PCDHA4: variants seen among roughly 807,000 people sequenced by gnomAD.
The protein encoded by PCDHA4 is protocadherin alpha-4.
Under a neutral mutation model 61.4 loss-of-function variants are expected in PCDHA4, and 49 were observed. That is an observed-to-expected ratio of 0.80 (90% CI 0.63 to 1.01). PCDHA4 has a LOEUF of 1.01. Among genes scored for constraint, PCDHA4 ranks in the 50% least tolerant of loss-of-function variants. The pLI, the probability that PCDHA4 is intolerant of heterozygous loss-of-function variation, is 0.00. For missense variants in PCDHA4, 1,254 were observed against 1,235.8 expected, an observed-to-expected ratio of 1.01 and a Z score of -0.22; for synonymous variants, 590 against 550.3, an observed-to-expected ratio of 1.07 and a Z score of -1.01.
intron 1 of PCDHA4, chr5:140,867,880 G>T (rs1562611394): frequency 6.6e-6 from 1 of 151,984 alleles, no homozygotes; most frequent in Non-Finnish European, 1.5e-5. Flanking sequence ...TATGTTTTAA[G>T]CACAATATCA....
At position 140,826,671 on chromosome 5, in the gene PCDHA4, C is replaced by T. The variant is rs1040298871; in HGVS notation, c.2385+17099C>T. On this transcript the variant is annotated intron_variant, in intron 1 of 3. Coordinates refer to ENST00000530339, the MANE Select transcript of PCDHA4 (RefSeq NM_018907.4). ...AACATTTTTGCAAGTAAATTGTAGA[C>T]GTAATTAAAAAAACCCAGCTAAAAC... 1.1e-4 allele frequency among the ~76,000 whole-genome samples: 17 copies of T among 151,838 alleles called. No individual in the cohort carries two copies. In the East Asian group the frequency reaches 2.1e-3, roughly 19 times the overall value.
intron 1 of PCDHA4, among the ~76,000 whole-genome samples, chr5:140,951,817 C>T (rs981107617): frequency 6.6e-6 from 1 of 152,146 alleles, no homozygotes; most frequent in Non-Finnish European, 1.5e-5. Flanking sequence ...CCCTCAAAGT[C>T]TGAACTCATT....
intron 1 of PCDHA4, among the ~76,000 whole-genome samples, chr5:140,954,350 GA>G (rs1255818394): frequency 6.6e-6 from 1 of 152,156 alleles, no homozygotes; most frequent in Non-Finnish European, 1.5e-5. Context: ...GATCTTTGAG[GA>G]ATCGCCACAC....
intron 1 of PCDHA4, among the ~76,000 whole-genome samples, chr5:140,845,100 T>G (rs1393397461): frequency 1.3e-5 from 2 of 149,736 alleles, no homozygotes; most frequent in Non-Finnish European, 3.0e-5. Flanking sequence ...TACAGTTCTC[T>G]TAATGCCTGT....
In PCDHA4 at chr5:140,807,332, G is replaced by T. The variant is rs782649273; in HGVS notation, c.145G>T (p.Ala49Ser). ...AKHGTFVGRI[A>S]QDLGLELAEL... Reference sequence around the variant, plus strand: ...ACACGGCACCTTCGTGGGCCGCATCGCGCAGGACCTGGGACTGGAGCTGGC... The same window carrying T: ...ACACGGCACCTTCGTGGGCCGCATCTCGCAGGACCTGGGACTGGAGCTGGC... The change falls in exon 1 of 4, where the codon GCG (alanine) becomes TCG (serine). Residue 49 changes from alanine to serine, a missense_variant. By Grantham distance (99) the Ala-to-Ser change is moderately conservative. Transcript: ENST00000530339. The T allele has an allele frequency of 1.5e-5, 24 of 1,613,480 alleles. No homozygotes were observed. In the African/African-American group the frequency reaches 2.9e-4, roughly 20 times the overall value.
At chr5:140,970,663 CAAAT>C (rs1216768545) in intron 1 of PCDHA4, among the ~76,000 whole-genome samples, 1 of 152,136 alleles carries the variant, frequency 6.6e-6, no homozygotes, top group Non-Finnish European at 1.5e-5. Flanking sequence ...GTTATCTTTC[CAAAT>C]AACTACTTTG....
At position 140,856,500 on chromosome 5, in the gene PCDHA4, T is replaced by G. The variant is rs371158035; in HGVS notation, c.2385+46928T>G. 1.4e-5 allele frequency: 22 copies of G among 1,598,280 alleles called. 1 individual carries two copies. The African/African-American group carries it at 3.0e-4, about 22-fold the overall frequency. ...GAATCCAGACTGCTTGACTCTCGAT[T>G]TCCACTAGAAGGCGCATCTGATGCG... On this transcript the variant is annotated intron_variant, in intron 1 of 3. Transcript: ENST00000530339.
Position 140,928,898 on chromosome 5 carries a change from A to T in PCDHA4, c.2386-50051A>T, listed in dbSNP as rs782530169. ...CCTCAGTTACTTCCAGACTTTGAAGATGTCTGGGAACCAGGAGGGCAGCTT... is the reference window on the plus strand; with the variant it reads ...CCTCAGTTACTTCCAGACTTTGAAGTTGTCTGGGAACCAGGAGGGCAGCTT... On this transcript the variant is annotated intron_variant, in intron 1 of 3. Coordinates refer to ENST00000530339, the MANE Select transcript of PCDHA4 (RefSeq NM_018907.4). 77 of 1,614,004 alleles carry T rather than the reference A, an allele frequency of 4.8e-5. No individual in the cohort carries two copies. The African/African-American group carries it at 7.2e-4, about 15-fold the overall frequency.
At chr5:140,836,132 G>A (rs1774227374) in intron 1 of PCDHA4, 2 of 1,613,758 alleles carry the variant, frequency 1.2e-6, no homozygotes, top group Non-Finnish European at 1.7e-6. Context: ...TTGTGCCGCG[G>A]TCTGTGGGCG....
rs2150366825 is a variant in PCDHA4, at chr5:140,843,799, A to G, written c.2385+34227A>G. Reference sequence around the variant, plus strand: ...AAAAGTGTTTCAGATTTAGTTTTTCACCGTATTTTATAGTGAAAATTTAAA... The same window carrying G: ...AAAAGTGTTTCAGATTTAGTTTTTCGCCGTATTTTATAGTGAAAATTTAAA... On this transcript the variant is annotated intron_variant, in intron 1 of 3. Transcript: ENST00000530339. 59 of 1,346,314 alleles carry G rather than the reference A, an allele frequency of 4.4e-5. 4 individuals carry two copies. Among genetic ancestry groups the G allele is most frequent in the Middle Eastern group, 2.1e-4 (1 of 4,868 alleles). The allele number at this position is 1,346,314 out of a possible 1,614,324, so 83.4% of individuals were successfully genotyped here.
At chr5:140,977,023 G>T (rs1554238168) in intron 1 of PCDHA4, among the ~76,000 whole-genome samples, 1 of 152,148 alleles carries the variant, frequency 6.6e-6, no homozygotes, top group Non-Finnish European at 1.5e-5. Flanking sequence ...TCTGTCAAAT[G>T]AATCTAAGAA....
intron 1 of PCDHA4, chr5:140,875,895 T>C (rs2153332421): frequency 1.2e-6 from 2 of 1,614,196 alleles, no homozygotes; most frequent in Non-Finnish European, 1.7e-6. Flanking sequence ...AAAAGGTACC[T>C]GTTTCTGAAT....
chr5:140,926,229 G>A (rs1251523401), intron 1 of PCDHA4: 1 of 152,186 alleles, frequency 6.6e-6, no homozygotes, highest in Non-Finnish European at 1.5e-5. Context: ...AGCCTAGAAG[G>A]TGTGGTCGCT....
intron 1 of PCDHA4, chr5:140,853,980 G>A: frequency 1.8e-6 from 1 of 544,346 alleles, no homozygotes; most frequent in Non-Finnish European, 2.4e-6. Flanking sequence ...TGAGACCAAT[G>A]TAGTGAGACT....
intron 3 of PCDHA4, among the ~76,000 whole-genome samples, chr5:141,003,809 G>C (rs1554259330): frequency 6.6e-6 from 1 of 152,290 alleles, no homozygotes; most frequent in African/African-American, 2.4e-5. Flanking sequence ...GTAATCTGTA[G>C]TCTGGGAAGG....
At chr5:140,822,213 G>A in intron 1 of PCDHA4, 1 of 1,614,222 alleles carries the variant, frequency 6.2e-7, no homozygotes, top group Non-Finnish European at 8.5e-7. Context: ...AGTCAAGAAT[G>A]CCAGATTCGC....
chr5:140,836,528 G>A, intron 1 of PCDHA4: 2 of 1,613,816 alleles, frequency 1.2e-6, no homozygotes, highest in Non-Finnish European at 8.5e-7. Context: ...TGCTTACCCT[G>A]CTGCTGTACA....
intron 1 of PCDHA4, among the ~76,000 whole-genome samples, chr5:140,921,828 A>C (rs1209455799): frequency 6.6e-6 from 1 of 152,126 alleles, no homozygotes; most frequent in Non-Finnish European, 1.5e-5. Flanking sequence ...ATATCTATAC[A>C]CATATAGACA....
At chr5:140,863,416 C>G (rs782237036) in intron 1 of PCDHA4, 14 of 719,640 alleles carry the variant, frequency 1.9e-5, no homozygotes, top group African/African-American at 3.6e-5. Context: ...GCTGGTGTAC[C>G]GCAGCGTAGT....
Sources: gnomAD v4.1 joint callset for allele counts (sites outside exome capture counted in the v4.1 genomes callset) on GRCh38, gnomAD v4.1.1 for gene constraint, MANE v1.5 for transcripts, NCBI Gene and HGNC (gene_info 2026-07-23, HGNC 2026-07-21) for gene names.